The following LYPD6 variants were observed in gnomAD, a reference collection of about 807,000 sequenced individuals.
The protein encoded by LYPD6 is ly6/PLAUR domain-containing protein 6.
A neutral mutation model predicts 22.7 loss-of-function variants in LYPD6; 15 were observed. The observed-to-expected ratio is 0.66, with a 90% CI of 0.44 to 1.02. LYPD6 has a LOEUF of 1.02. Among genes scored for constraint, LYPD6 ranks in the 50% least tolerant of loss-of-function variants. The pLI is 0.00. For missense variants in LYPD6, 189 were observed against 208.4 expected (o/e 0.91, Z 0.57); for synonymous variants, 72 against 77.5 (o/e 0.93, Z 0.37).
At chr2:149,478,694 G>C (rs2105191455), downstream of LYPD6, among the ~76,000 whole-genome samples, 2 of 152,242 alleles carry the variant, frequency 1.3e-5, 1 homozygote, top group Middle Eastern at 6.8e-3. Context: ...AATGTGCTGG[G>C]ATTATGGGAA....
intron 1 of LYPD6, among the ~76,000 whole-genome samples, chr2:149,349,907 T>C (rs1190449941): frequency 4.6e-5 from 7 of 152,186 alleles, no homozygotes; most frequent in Admixed American, 4.6e-4. Flanking sequence ...CTTTCTCTTG[T>C]TCTTAGATTT....
chr2:149,464,361 G>A (rs1301824595), intron 3 of LYPD6: 1 of 274,074 alleles, frequency 3.6e-6, no homozygotes, highest in Non-Finnish European at 7.5e-6. Flanking sequence ...AAAATATGCA[G>A]ACCATGCTAA....
chr2:149,419,445 T>G (rs1161749000), intron 1 of LYPD6, among the ~76,000 whole-genome samples: 1 of 152,258 alleles, frequency 6.6e-6, no homozygotes, highest in Non-Finnish European at 1.5e-5. Context: ...CTGTAGCCAC[T>G]GGCCACATGT....
At chr2:149,467,671 T>A (rs1246631384) in intron 3 of LYPD6, among the ~76,000 whole-genome samples, 1 of 152,156 alleles carries the variant, frequency 6.6e-6, no homozygotes, top group Non-Finnish European at 1.5e-5. Flanking sequence ...GTATAAAGCA[T>A]GCAAAGTTGG....
the LYPD6 span, among the ~76,000 whole-genome samples, chr2:149,481,110 T>C: frequency 6.6e-6 from 1 of 152,160 alleles, no homozygotes; most frequent in Non-Finnish European, 1.5e-5. Context: ...CCTATAGCAA[T>C]ACATATTCCC....
intron 1 of LYPD6, among the ~76,000 whole-genome samples, chr2:149,352,765 T>A (rs769281073): frequency 6.6e-6 from 1 of 152,176 alleles, no homozygotes; most frequent in African/African-American, 2.4e-5. Flanking sequence ...TGGCCCTTTA[T>A]AGAAAAAGTT....
chr2:149,403,344 C>A (rs1406430548), intron 1 of LYPD6, among the ~76,000 whole-genome samples: 1 of 150,514 alleles, frequency 6.6e-6, no homozygotes, highest in South Asian at 2.1e-4. Context: ...TACAGTCCCA[C>A]CAACAGTGTA....
chr2:149,425,077 A>T (rs1044063437), intron 1 of LYPD6, among the ~76,000 whole-genome samples: 1 of 152,016 alleles, frequency 6.6e-6, no homozygotes, highest in Non-Finnish European at 1.5e-5. Context: ...TTTCTTCCAG[A>T]TAAGCTGCCC....
chr2:149,455,349 C>T (rs1485755995), intron 3 of LYPD6, among the ~76,000 whole-genome samples: 1 of 151,298 alleles, frequency 6.6e-6, no homozygotes. Flanking sequence ...AGCTCCGCCT[C>T]CTGGGTTCAC....
chr2:149,330,052 T>A (rs1249782251), upstream of LYPD6: 1 of 152,162 alleles, frequency 6.6e-6, no homozygotes, highest in Non-Finnish European at 1.5e-5. Flanking sequence ...AGCTCTGCGG[T>A]CCGGCGGATT....
At chr2:149,379,253 A>G (rs1019821969) in intron 1 of LYPD6, among the ~76,000 whole-genome samples, 6 of 152,148 alleles carry the variant, frequency 3.9e-5, no homozygotes, top group African/African-American at 1.4e-4. Context: ...GAGAACTGGA[A>G]GACTTGAGTC....
upstream of LYPD6, chr2:149,330,043 G>C (rs1368589101): frequency 6.6e-6 from 1 of 152,194 alleles, no homozygotes; most frequent in Admixed American, 6.5e-5. Flanking sequence ...TTGCTCTTGA[G>C]CTCTGCGGTC....
At chr2:149,413,890 A>G (rs1682905884) in intron 1 of LYPD6, among the ~76,000 whole-genome samples, 1 of 152,230 alleles carries the variant, frequency 6.6e-6, no homozygotes, top group Admixed American at 6.5e-5. Context: ...CGCATTCTGC[A>G]CCATACAGCG....
chr2:149,375,450 C>T (rs1559129330), intron 1 of LYPD6, among the ~76,000 whole-genome samples: 1 of 152,112 alleles, frequency 6.6e-6, no homozygotes. Context: ...CTGATGTGGT[C>T]CTGCCCTCTG....
chr2:149,386,531 A>G (rs1373848056), intron 1 of LYPD6, among the ~76,000 whole-genome samples: 3 of 152,190 alleles, frequency 2.0e-5, no homozygotes, highest in Non-Finnish European at 4.4e-5. Context: ...TGCTTTCCAG[A>G]TGGAAACCAT....
intron 1 of LYPD6, among the ~76,000 whole-genome samples, chr2:149,344,531 A>G (rs1681218598): frequency 6.6e-6 from 1 of 152,232 alleles, no homozygotes; most frequent in Non-Finnish European, 1.5e-5. Context: ...AAAGCAGGGC[A>G]ATTAATCATA....
rs181840311 is a variant in LYPD6, at chr2:149,459,629, C to T, written c.218-9016C>T. 2.0e-4 allele frequency among the ~76,000 whole-genome samples: 31 copies of T among 152,260 alleles called. No individual in the cohort carries two copies. The East Asian group carries it at 5.8e-3, about 28-fold the overall frequency. On this transcript the variant is annotated intron_variant, in intron 3 of 4. Transcript: ENST00000334166. Reference sequence around the variant, plus strand: ...AATACAATTATATTACGGCCAGGCACAGTGGCTTATGCCAGTAATCCCAGC... The same window carrying T: ...AATACAATTATATTACGGCCAGGCATAGTGGCTTATGCCAGTAATCCCAGC...
chr2:149,412,948 A>T (rs1009504952), intron 1 of LYPD6, among the ~76,000 whole-genome samples: 1 of 152,086 alleles, frequency 6.6e-6, no homozygotes, highest in Non-Finnish European at 1.5e-5. Context: ...AGAAGCCCAG[A>T]GCTGAATTTT....
intron 2 of LYPD6, among the ~76,000 whole-genome samples, chr2:149,444,545 AC>A (rs1683639924): frequency 6.6e-6 from 1 of 152,100 alleles, no homozygotes; most frequent in African/African-American, 2.4e-5. Flanking sequence ...TCTTCTCAAA[AC>A]CCTGCCACTG....
Sources: gnomAD v4.1 joint callset for allele counts (sites outside exome capture counted in the v4.1 genomes callset) on GRCh38, gnomAD v4.1.1 for gene constraint, MANE v1.5 for transcripts, NCBI Gene and HGNC (gene_info 2026-07-23, HGNC 2026-07-21) for gene names.